STOX2: variants seen among roughly 807,000 people sequenced by gnomAD.
STOX2 encodes storkhead-box protein 2.
A neutral mutation model predicts 60.9 loss-of-function variants in STOX2; 28 were observed. That is an observed-to-expected ratio of 0.46 (90% CI 0.34 to 0.63). The LOEUF is 0.63. Ranked by LOEUF, STOX2 falls within the 30% of genes least tolerant of loss-of-function variation. The pLI, the probability that STOX2 is intolerant of heterozygous loss-of-function variation, is 0.01. For synonymous variants in STOX2, 472 were observed against 463.9 expected, an observed-to-expected ratio of 1.02 and a Z score of -0.22; for missense variants, 1,024 against 1,187.7, an observed-to-expected ratio of 0.86 and a Z score of 2.03.
intron 1 of STOX2, among the ~76,000 whole-genome samples, chr4:183,862,175 GT>G (rs1740464156): frequency 6.6e-6 from 1 of 152,002 alleles, no homozygotes; most frequent in African/African-American, 2.4e-5. Flanking sequence ...GTTGTTGTTT[GT>G]TTGTTTGTTT....
At chr4:183,970,902 T>A (rs1279839898) in intron 1 of STOX2, among the ~76,000 whole-genome samples, 1 of 152,236 alleles carries the variant, frequency 6.6e-6, no homozygotes, top group Non-Finnish European at 1.5e-5. Flanking sequence ...CAACAGGCTG[T>A]CCTATTATCA....
Position 184,011,135 on chromosome 4 carries a change from A to T in STOX2, c.2297A>T (p.Asn766Ile). Residue 766 changes from asparagine (N) to isoleucine (I), a missense_variant, in exon 3 of 4, where the codon AAC (asparagine) becomes ATC (isoleucine). Asn to Ile is a moderately radical substitution (Grantham distance 149). This residue lies in a region of STOX2 where 922 missense variants were observed against 1,058.3 expected (regional missense o/e 0.87). Coordinates refer to ENST00000308497, the MANE Select transcript of STOX2 (RefSeq NM_020225.3). This position sits in a 1 kb window ranked among gnomAD's most constrained non-coding sequence, Gnocchi z 4.4. ...ASQRQQESGG[N>I]QEASFDYYNV... ...CAGCGTCAGCAGGAGTCAGGAGGGA[A>T]CCAGGAAGCCTCTTTTGACTATTAC... 6.3e-7 allele frequency: 1 copy of T among 1,576,930 alleles called. No homozygotes were observed. The highest frequency in any genetic ancestry group is 8.6e-7 in the Non-Finnish European group (1 of 1,164,132).
chr4:183,841,015 A>G (rs1342326123), intron 1 of STOX2, among the ~76,000 whole-genome samples: 3 of 151,930 alleles, frequency 2.0e-5, no homozygotes, highest in Non-Finnish European at 2.9e-5. Context: ...TTACAGGTGC[A>G]CACCACTACA....
chr4:184,013,514 G>A (rs906216391), intron 3 of STOX2, among the ~76,000 whole-genome samples: 2 of 152,256 alleles, frequency 1.3e-5, no homozygotes, highest in South Asian at 4.1e-4. Context: ...ACATGAAAAC[G>A]TGTATCACCT....
intron 1 of STOX2, chr4:183,853,382 A>G (rs1740213109): frequency 6.6e-6 from 1 of 152,232 alleles, no homozygotes; most frequent in South Asian, 2.1e-4. Context: ...TTACTTGCCC[A>G]GACAAGTCGT....
intron 1 of STOX2, among the ~76,000 whole-genome samples, chr4:183,917,729 T>A (rs1282865223): frequency 1.3e-5 from 2 of 152,146 alleles, no homozygotes; most frequent in Admixed American, 6.5e-5. Flanking sequence ...GTCAAGTGGA[T>A]TTTTCCTTAT....
At chr4:184,012,154 G>A (rs1734197710) in intron 3 of STOX2, among the ~76,000 whole-genome samples, 1 of 152,242 alleles carries the variant, frequency 6.6e-6, no homozygotes, top group Admixed American at 6.5e-5. Context: ...TGACAGTCAA[G>A]AGTTAGTGGT....
At chr4:183,876,875 C>A (rs1315383070) in intron 1 of STOX2, among the ~76,000 whole-genome samples, 2 of 152,128 alleles carry the variant, frequency 1.3e-5, no homozygotes, top group Non-Finnish European at 2.9e-5. Flanking sequence ...ATTGTGAGTG[C>A]GAATGGAGAA....
intron 1 of STOX2, among the ~76,000 whole-genome samples, chr4:183,954,868 A>T (rs1053107070): frequency 6.6e-6 from 1 of 151,880 alleles, no homozygotes. Context: ...CCTCCCAAGT[A>T]GCTGGGATTA....
chr4:183,963,721 C>T (rs540535239), intron 1 of STOX2, among the ~76,000 whole-genome samples: 32 of 151,084 alleles, frequency 2.1e-4, no homozygotes, highest in South Asian at 6.3e-4. Context: ...CCACCACACC[C>T]GGCCTAAAAA....
intron 1 of STOX2, among the ~76,000 whole-genome samples, chr4:183,951,223 AG>A (rs1324096184): frequency 1.5e-4 from 19 of 124,958 alleles, no homozygotes; most frequent in East Asian, 9.0e-4. Context: ...TCAAAAAAAA[AG>A]AAAAAAAAAA....
chr4:183,801,522 T>A (rs150050733), intron 1 of STOX2, among the ~76,000 whole-genome samples: 5 of 152,326 alleles, frequency 3.3e-5, no homozygotes, highest in African/African-American at 1.2e-4. Context: ...CTTTGAGGAC[T>A]CTTTGTTTTG....
intron 1 of STOX2, among the ~76,000 whole-genome samples, chr4:183,816,092 G>A (rs969134367): frequency 4.6e-5 from 7 of 152,294 alleles, no homozygotes; most frequent in East Asian, 1.9e-4. Context: ...AAATCGATTC[G>A]TAAGGAATAA....
At position 184,020,290 on chromosome 4, in the gene STOX2, G is replaced by A. The variant is rs1423630223; in HGVS notation, c.*3006G>A. 1 of 152,112 alleles carries A rather than the reference G, an allele frequency of 6.6e-6. No homozygotes were observed. Among genetic ancestry groups the A allele is most frequent in the East Asian group, 1.9e-4 (1 of 5,184 alleles). 9.4% of individuals were successfully genotyped at this position (152,112 alleles called of 1,614,324 possible). Reference sequence around the variant, plus strand: ...CTGTTTGGCTTTCAGATGTAATCCTGTCTTCTCCTCTCTTCCCCACGAAAG... The same window carrying A: ...CTGTTTGGCTTTCAGATGTAATCCTATCTTCTCCTCTCTTCCCCACGAAAG... On this transcript the variant is annotated 3_prime_UTR_variant, in exon 4 of 4. Transcript: ENST00000308497.
intron 1 of STOX2, among the ~76,000 whole-genome samples, chr4:183,868,321 G>A (rs2111160870): frequency 6.6e-6 from 1 of 152,272 alleles, no homozygotes; most frequent in East Asian, 1.9e-4. Context: ...AGCACTGTGG[G>A]AGGCCGAGGA....
At chr4:183,823,288 C>T (rs1219598109) in intron 1 of STOX2, among the ~76,000 whole-genome samples, 2 of 152,136 alleles carry the variant, frequency 1.3e-5, no homozygotes, top group South Asian at 2.1e-4. Flanking sequence ...CCCAGCTACT[C>T]GGGAGGCTGA....
chr4:183,872,437 C>T (rs1329937129), intron 1 of STOX2, among the ~76,000 whole-genome samples: 1 of 151,972 alleles, frequency 6.6e-6, no homozygotes, highest in Non-Finnish European at 1.5e-5. Flanking sequence ...TGCATAGACT[C>T]TAAAGGAAGA....
chr4:183,880,653 G>C (rs144297349), intron 1 of STOX2, among the ~76,000 whole-genome samples: 1 of 152,160 alleles, frequency 6.6e-6, no homozygotes, highest in Non-Finnish European at 1.5e-5. Flanking sequence ...TGGGGCCTTC[G>C]TCTGATAAAA....
chr4:183,894,993 T>C (rs536546219), intron 1 of STOX2, among the ~76,000 whole-genome samples: 109 of 152,364 alleles, frequency 7.2e-4, no homozygotes, highest in African/African-American at 2.5e-3. Flanking sequence ...ATATGGACTT[T>C]GTTTGGATGA....
Sources: allele counts gnomAD v4.1 joint callset (sites outside exome capture counted in the v4.1 genomes callset), GRCh38; gene constraint gnomAD v4.1.1; regional missense constraint gnomAD v4.1.1; non-coding constraint Gnocchi (gnomAD v3.1); transcripts MANE v1.5; gene names NCBI Gene and HGNC (gene_info 2026-07-23, HGNC 2026-07-21).